Variants in TAF1A observed in about 807,000 individuals in gnomAD.
TAF1A encodes the protein TATA-box binding protein associated factor, RNA polymerase I subunit A, also known as TATA box-binding protein-associated factor RNA polymerase I subunit A.
Under a neutral mutation model 61.6 loss-of-function variants are expected in TAF1A, and 42 were observed. The observed-to-expected ratio is 0.68, with a 90% CI of 0.53 to 0.88. The LOEUF is 0.88. TAF1A is among the 40% of genes least tolerant of loss of function. TAF1A has a pLI of 0.00. For synonymous variants in TAF1A, 179 were observed against 177.7 expected (o/e 1.01, Z -0.06); for missense variants, 424 against 518.7 (o/e 0.82, Z 1.77).
intron 9 of TAF1A, among the ~76,000 whole-genome samples, chr1:222,562,814 G>A (rs751319268): frequency 3.3e-5 from 5 of 152,120 alleles, no homozygotes; most frequent in Admixed American, 2.6e-4. Context: ...TAGGAGGAAA[G>A]CTGCTTCCCA....
intron 5 of TAF1A, among the ~76,000 whole-genome samples, chr1:222,572,683 C>T (rs1660408775): frequency 6.6e-6 from 1 of 152,050 alleles, no homozygotes; most frequent in African/African-American, 2.4e-5. Context: ...AGTAAGGGTG[C>T]CAAGACAATT....
chr1:222,582,901 G>C (rs1660844633), intron 3 of TAF1A, among the ~76,000 whole-genome samples: 1 of 152,166 alleles, frequency 6.6e-6, no homozygotes, highest in African/African-American at 2.4e-5. Flanking sequence ...AAATAGATTA[G>C]GCTGGCCATA....
chr1:222,565,368 T>C (rs1200155801), intron 7 of TAF1A, among the ~76,000 whole-genome samples: 1 of 152,248 alleles, frequency 6.6e-6, no homozygotes, highest in Non-Finnish European at 1.5e-5. Context: ...ATGTCCAATC[T>C]GCTATTAAAC....
chr1:222,583,169 A>T (rs1660860076), intron 3 of TAF1A, among the ~76,000 whole-genome samples: 1 of 152,212 alleles, frequency 6.6e-6, no homozygotes, highest in Admixed American at 6.5e-5. Context: ...TGGGCAACAG[A>T]GCAAGACTCC....
downstream of TAF1A, among the ~76,000 whole-genome samples, chr1:222,557,360 A>G (rs562867618): frequency 6.6e-6 from 1 of 152,168 alleles, no homozygotes; most frequent in South Asian, 2.1e-4. Context: ...TTACTGTGTG[A>G]CTCAGGGACA....
Position 222,564,080 on chromosome 1 carries a change from G to T in TAF1A, c.940C>A (p.His314Asn). Residue 314 changes from histidine (H) to asparagine (N), a missense_variant, in exon 8 of 11, where the codon CAT becomes AAT. His to Asn is a moderately conservative substitution (Grantham distance 68). Transcript: ENST00000352967. ...VPSHKLMLEFHTLLRKSEKEE... is the reference protein window; with the variant it reads ...VPSHKLMLEFNTLLRKSEKEE... ...TTACCTGATTTTCTAAGTAATGTAT[G>T]GAATTCCAACATCAATTTATGAGAT... 6.4e-7 allele frequency: 1 copy of T among 1,555,696 alleles called. No homozygotes were observed. The highest frequency in any genetic ancestry group is 8.8e-7 in the Non-Finnish European group (1 of 1,131,750).
chr1:222,570,541 A>G lies in TAF1A; in HGVS notation c.729T>C (p.Tyr243=), dbSNP rs534442583. The G allele has an allele frequency of 3.2e-5, 51 of 1,610,040 alleles. No individual in the cohort carries two copies. The East Asian group carries it at 6.9e-4, about 22-fold the overall frequency. Residue 243 remains tyrosine (Y), a synonymous_variant, in exon 6 of 11, where the codon TAT becomes TAC. Coordinates refer to ENST00000352967, the MANE Select transcript of TAF1A (RefSeq NM_005681.4). ...TAATGAAAATTCTACTTACTTCTAC[A>G]TAACTCTTCACAAAAGGGTCCCAAA... ...PGVWDPFVKS[Y]VEMLEFYGDR... is the part of the protein sequence containing the mutation.
intron 5 of TAF1A, among the ~76,000 whole-genome samples, chr1:222,572,219 A>T: frequency 1.6e-5 from 1 of 63,244 alleles, no homozygotes; most frequent in African/African-American, 1.2e-4. Context: ...ACTCAGTCTC[A>T]AAAAAAAAAA....
At chr1:222,579,630 T>C in intron 4 of TAF1A, 129 bp downstream of exon 4, 1 of 1,128,426 alleles carries the variant, frequency 8.9e-7, no homozygotes, top group South Asian at 1.5e-5. Context: ...TCTTTCAGTT[T>C]CTCTTATTTA....
intron 2 of TAF1A, among the ~76,000 whole-genome samples, chr1:222,586,045 T>C (rs987075173): frequency 6.6e-6 from 1 of 152,216 alleles, no homozygotes; most frequent in Non-Finnish European, 1.5e-5. Flanking sequence ...AGTGAAAAGT[T>C]TGAAGACTAC....
At chr1:222,578,948 T>C (rs1203597614) in intron 4 of TAF1A, among the ~76,000 whole-genome samples, 1 of 152,228 alleles carries the variant, frequency 6.6e-6, no homozygotes, top group Admixed American at 6.5e-5. Context: ...GAGTAGATTC[T>C]ATGAGCCAAA....
In TAF1A at chr1:222,561,503, C is replaced by A; in HGVS notation, c.1101G>T (p.Trp367Cys). ...TCCTGGAGTTCCACTCTTCTTGAACCCACGCAAGGTGGTTTCTGGAAAAGA... is the reference window on the plus strand; with the variant it reads ...TCCTGGAGTTCCACTCTTCTTGAACACACGCAAGGTGGTTTCTGGAAAAGA... ...KNILMGNHLA[W>C]VQEEWNSRKN... The change falls in exon 10 of 11, where the codon TGG (tryptophan) becomes TGT (cysteine). Residue 367 changes from tryptophan to cysteine, a missense_variant. Transcript: ENST00000352967. The A allele has an allele frequency of 6.2e-7, 1 of 1,600,616 alleles. No homozygotes were observed. The highest frequency in any genetic ancestry group is 1.3e-5 in the African/African-American group (1 of 74,334).
At chr1:222,574,583 A>T (rs939034819) in intron 5 of TAF1A, among the ~76,000 whole-genome samples, 1 of 152,210 alleles carries the variant, frequency 6.6e-6, no homozygotes, top group African/African-American at 2.4e-5. Flanking sequence ...CCAAAATAGT[A>T]ACCTAAATGG....
intron 4 of TAF1A, among the ~76,000 whole-genome samples, chr1:222,577,855 T>G (rs1412136883): frequency 1.3e-5 from 2 of 152,100 alleles, no homozygotes; most frequent in Non-Finnish European, 2.9e-5. Context: ...TTATGTAAAC[T>G]TACAAACAAA....
Position 222,564,238 on chromosome 1 carries a change from T to C in TAF1A, c.895-113A>G, listed in dbSNP as rs556984023. 19 of 480,624 alleles carry C rather than the reference T, an allele frequency of 4.0e-5. No homozygotes were observed. The South Asian group carries it at 7.1e-4, about 18-fold the overall frequency. The allele number at this position is 480,624 out of a possible 1,614,324, so 29.8% of individuals were successfully genotyped here. A position where few individuals can be genotyped will look rare whatever the true frequency, so the allele number is the denominator to read the frequency against. ...GTCTAATATGCTCCCTTTAAATTTATTAAGTATTTTAAAAATACCCTGGCT... is the reference window on the plus strand; with the variant it reads ...GTCTAATATGCTCCCTTTAAATTTACTAAGTATTTTAAAAATACCCTGGCT... On this transcript the variant is annotated intron_variant, in intron 7 of 10. Transcript: ENST00000352967.
At chr1:222,580,877 G>T (rs1381662678) in intron 3 of TAF1A, among the ~76,000 whole-genome samples, 1 of 152,180 alleles carries the variant, frequency 6.6e-6, no homozygotes, top group Non-Finnish European at 1.5e-5. Flanking sequence ...TCTGGGCCAG[G>T]CGCGGTGGCT....
At chr1:222,566,632 T>C (rs1660127581) in intron 7 of TAF1A, among the ~76,000 whole-genome samples, 1 of 152,106 alleles carries the variant, frequency 6.6e-6, no homozygotes, top group Non-Finnish European at 1.5e-5. Context: ...TCCGGGCTCC[T>C]ATGAGAATCT....
chr1:222,568,293 G>A (rs982179098), intron 7 of TAF1A, among the ~76,000 whole-genome samples: 7 of 150,530 alleles, frequency 4.7e-5, no homozygotes, highest in Non-Finnish European at 1.0e-4. Context: ...ATCAAAACTA[G>A]AAGTTTCTAC....
chr1:222,573,680 A>G (rs1289923851), intron 5 of TAF1A, among the ~76,000 whole-genome samples: 1 of 152,206 alleles, frequency 6.6e-6, no homozygotes, highest in Non-Finnish European at 1.5e-5. Context: ...ATTGCTTTGG[A>G]AAACAGTCCA....
Sources: gnomAD v4.1 joint callset for allele counts (sites outside exome capture counted in the v4.1 genomes callset) on GRCh38, gnomAD v4.1.1 for gene constraint, MANE v1.5 for transcripts, NCBI Gene and HGNC (gene_info 2026-07-23, HGNC 2026-07-21) for gene names.